SYAP1: variants seen among roughly 807,000 people sequenced by gnomAD.
The protein encoded by SYAP1 is synapse-associated protein 1.
A neutral mutation model predicts 29.6 loss-of-function variants in SYAP1; 3 were observed. The observed-to-expected ratio is 0.10, with a 90% CI of 0.05 to 0.26. The LOEUF (loss-of-function observed/expected upper bound fraction) is 0.26, where lower values mean the gene tolerates loss of function less well. SYAP1 is among the 10% of genes least tolerant of loss of function. The pLI, the probability that SYAP1 is intolerant of heterozygous loss-of-function variation, is 1.00. For missense variants in SYAP1, 217 were observed against 264.1 expected, an observed-to-expected ratio of 0.82 and a Z score of 1.24; for synonymous variants, 102 against 102.7, an observed-to-expected ratio of 0.99 and a Z score of 0.04.
intron 5 of SYAP1, among the ~76,000 whole-genome samples, chrX:16,751,325 G>A (rs751928673): frequency 9.4e-6 from 1 of 106,545 alleles, no homozygotes; most frequent in East Asian, 3.1e-4. Context: ...GGTAGCACGT[G>A]CCTGTAGTCC....
At chrX:16,731,077 C>A (rs747755438) in intron 1 of SYAP1, among the ~76,000 whole-genome samples, 16 of 111,989 alleles carry the variant, frequency 1.4e-4, no homozygotes, top group African/African-American at 5.2e-4. Context: ...TTATATCTCT[C>A]TTATTTCCTG....
intron 1 of SYAP1, among the ~76,000 whole-genome samples, chrX:16,722,885 C>G (rs1925997206): frequency 8.9e-6 from 1 of 111,905 alleles, no homozygotes; most frequent in Admixed American, 9.5e-5. Flanking sequence ...TAAAGTCAAC[C>G]AAATTAAAGC....
At chrX:16,756,795 C>A in intron 7 of SYAP1, 74 bp downstream of exon 7, 1 of 975,910 alleles carries the variant, frequency 1.0e-6, no homozygotes, top group Non-Finnish European at 1.4e-6. Context: ...TTTCTGATAC[C>A]ATTTAAAACT....
chrX:16,720,968 G>T (rs765866085), intron 1 of SYAP1, among the ~76,000 whole-genome samples: 2 of 109,990 alleles, frequency 1.8e-5, no homozygotes, highest in East Asian at 5.8e-4. Flanking sequence ...AGCTGAGATC[G>T]CACCACTGCA....
chrX:16,750,924 C>T (rs1054617762), intron 5 of SYAP1, among the ~76,000 whole-genome samples: 11 of 108,358 alleles, frequency 1.0e-4, no homozygotes, highest in Non-Finnish European at 1.7e-4. Flanking sequence ...TGCACCACCA[C>T]GCCCGGCTAA....
intron 1 of SYAP1, among the ~76,000 whole-genome samples, chrX:16,728,996 A>G (rs1382820073): frequency 9.4e-6 from 1 of 106,645 alleles, no homozygotes; most frequent in Non-Finnish European, 1.9e-5. Context: ...CCGAGATCAC[A>G]CCACTGTGCT....
intron 4 of SYAP1, among the ~76,000 whole-genome samples, chrX:16,743,494 C>T (rs984078772): frequency 1.8e-5 from 2 of 108,130 alleles, no homozygotes; most frequent in African/African-American, 6.7e-5. Flanking sequence ...ATTAGCCAGG[C>T]GCAGTGGCGG....
Position 16,760,442 on chromosome X carries a change from G to A in SYAP1, c.*83G>A, listed in dbSNP as rs1926957844. 11 of 905,535 alleles carry A rather than the reference G, an allele frequency of 1.2e-5. No individual in the cohort carries two copies. Among genetic ancestry groups the A allele is most frequent in the Middle Eastern group, 4.6e-4 (1 of 2,168 alleles). 74.6% of individuals were successfully genotyped at this position (905,535 alleles called of 1,213,427 possible). On this transcript the variant is annotated 3_prime_UTR_variant, in exon 9 of 9. Coordinates refer to ENST00000380155, the MANE Select transcript of SYAP1 (RefSeq NM_032796.4). ...GATGTTGACAATTACTGAATCAGAA[G>A]GCATGAAAGAGTATAATTTTATGAA... is the stretch of plus-strand genomic sequence containing the variant.
chrX:16,736,515 C>CG, intron 3 of SYAP1: 2 of 192,983 alleles, frequency 1.0e-5, no homozygotes, highest in Non-Finnish European at 9.6e-6. Context: ...TTTTCTTTTC[C>CG]CCCACCGAGA....
At chrX:16,725,882 A>C (rs1446849500) in intron 1 of SYAP1, among the ~76,000 whole-genome samples, 1 of 112,201 alleles carries the variant, frequency 8.9e-6, no homozygotes, top group African/African-American at 3.2e-5. Context: ...CCTTGGAATA[A>C]AAATCATTGT....
chrX:16,749,910 CAAAAAAA>C (rs201193907), intron 5 of SYAP1, among the ~76,000 whole-genome samples: 2 of 58,035 alleles, frequency 3.4e-5, no homozygotes, highest in African/African-American at 1.2e-4. Flanking sequence ...GACTCCATCT[CAAAAAAA>C]AAAAAAAAAA....
rs1015536244 is a variant in SYAP1, at chrX:16,728,008, C to G, written c.176-7219C>G. Reference sequence around the variant, plus strand: ...CTATATTGCCATAATTAAGAATACTCACAAATAGTTTCCAAATTCTGGAGA... The same window carrying G: ...CTATATTGCCATAATTAAGAATACTGACAAATAGTTTCCAAATTCTGGAGA... On this transcript the variant is annotated intron_variant, in intron 1 of 8. Transcript: ENST00000380155. 1.1e-4 allele frequency among the ~76,000 whole-genome samples: 12 copies of G among 112,144 alleles called. No homozygotes were observed. In the Admixed American group the frequency reaches 1.1e-3, roughly 11 times the overall value.
At chrX:16,748,936 T>C (rs997691470) in intron 5 of SYAP1, among the ~76,000 whole-genome samples, 1 of 109,722 alleles carries the variant, frequency 9.1e-6, no homozygotes, top group Admixed American at 9.8e-5. Flanking sequence ...TTTGTATATT[T>C]AGTAGAGACA....
chrX:16,733,857 G>A (rs1405746484), intron 1 of SYAP1, among the ~76,000 whole-genome samples: 2 of 109,281 alleles, frequency 1.8e-5, no homozygotes, highest in Non-Finnish European at 3.8e-5. Flanking sequence ...TAGTAGAGAC[G>A]GGGTTTCACC....
intron 5 of SYAP1, among the ~76,000 whole-genome samples, chrX:16,754,383 C>T (rs183426660): frequency 2.3e-4 from 26 of 111,461 alleles, no homozygotes; most frequent in African/African-American, 7.5e-4. Context: ...TTGTATTTTG[C>T]TGCTACGGGG....
At chrX:16,741,810 C>T in intron 4 of SYAP1, 21 bp downstream of exon 4, 1 of 1,072,642 alleles carries the variant, frequency 9.3e-7, no homozygotes, top group Non-Finnish European at 1.3e-6. Flanking sequence ...TGTGGTACCC[C>T]AGATAGAACA....
In SYAP1 at chrX:16,736,856, A is replaced by G. The variant is rs191990836; in HGVS notation, c.361+624A>G. 1.5e-3 allele frequency among the ~76,000 whole-genome samples: 173 copies of G among 112,141 alleles called. 1 individual carries two copies. The highest frequency in any genetic ancestry group is 5.4e-3 in the African/African-American group (167 of 30,925). ...GCCCAGCACAGAGCACAGTATGCAC[A>G]TGACCGGCATTTAGCAAGTGGTGGC... On this transcript the variant is annotated intron_variant, in intron 3 of 8. Coordinates refer to ENST00000380155, the MANE Select transcript of SYAP1 (RefSeq NM_032796.4).
At chrX:16,722,545 A>T (rs906581910) in intron 1 of SYAP1, among the ~76,000 whole-genome samples, 3 of 110,415 alleles carry the variant, frequency 2.7e-5, no homozygotes, top group Admixed American at 9.7e-5. Flanking sequence ...AAAAAAAAAA[A>T]ATCTCCTGGG....
At chrX:16,757,408 G>T in intron 8 of SYAP1, 99 bp downstream of exon 8, 1 of 968,057 alleles carries the variant, frequency 1.0e-6, no homozygotes, top group Non-Finnish European at 1.4e-6. Context: ...GCACAAAAAT[G>T]TGTTGTAAAT....
Sources: allele counts gnomAD v4.1 joint callset (sites outside exome capture counted in the v4.1 genomes callset), GRCh38; gene constraint gnomAD v4.1.1; transcripts MANE v1.5; gene names NCBI Gene and HGNC (gene_info 2026-07-23, HGNC 2026-07-21).